SLC4A7: variants seen among roughly 807,000 people sequenced by gnomAD.
The protein encoded by SLC4A7 is solute carrier family 4 member 7, also known as sodium bicarbonate cotransporter 3.
SLC4A7 carries 51 observed loss-of-function variants against 137.6 expected under a neutral mutation model. That is an observed-to-expected ratio of 0.37 (90% CI 0.30 to 0.47). SLC4A7 has a LOEUF of 0.47. Ranked by LOEUF, SLC4A7 falls within the 20% of genes least tolerant of loss-of-function variation. SLC4A7 has a pLI of 1.00. For synonymous variants in SLC4A7, 542 were observed against 518.6 expected (o/e 1.05, Z -0.61); for missense variants, 1,247 against 1,525.4 (o/e 0.82, Z 3.04).
At chr3:27,405,413 G>A (rs1232942550) in intron 13 of SLC4A7, among the ~76,000 whole-genome samples, 1 of 152,146 alleles carries the variant, frequency 6.6e-6, no homozygotes, top group African/African-American at 2.4e-5. Context: ...CCTGTGCTGT[G>A]GGATGAAAGG....
At chr3:27,402,364 G>A (rs770504766) in intron 15 of SLC4A7, among the ~76,000 whole-genome samples, 5 of 151,218 alleles carry the variant, frequency 3.3e-5, no homozygotes, top group African/African-American at 9.7e-5. Flanking sequence ...TTATCAAAAC[G>A]AAAACACATA....
chr3:27,466,265 C>CA (rs1254278866), intron 1 of SLC4A7, among the ~76,000 whole-genome samples: 2 of 151,160 alleles, frequency 1.3e-5, no homozygotes, highest in Non-Finnish European at 2.9e-5. Flanking sequence ...TCCTGGCTAA[C>CA]ACGGTGAAAC....
intron 14 of SLC4A7, among the ~76,000 whole-genome samples, 195 bp from the exon 15 acceptor site, chr3:27,403,579 GATTT>G (rs898407045): frequency 4.4e-4 from 66 of 149,396 alleles, no homozygotes; most frequent in East Asian, 1.8e-3. Context: ...CTTATTAGTA[GATTT>G]ATTATTAATA....
chr3:27,409,450 T>C lies in SLC4A7; in HGVS notation c.1847A>G (p.Gln616Arg). 1 of 1,613,916 alleles carries C rather than the reference T, an allele frequency of 6.2e-7. No homozygotes were observed. Among genetic ancestry groups the C allele is most frequent in the Non-Finnish European group, 8.5e-7 (1 of 1,179,846 alleles). The change falls in exon 13 of 26, where the codon CAG becomes CGG. Residue 616 changes from glutamine to arginine, a missense_variant. Gln to Arg is a conservative substitution (Grantham distance 43). Transcript: ENST00000454389. ...TAGGAAAAGAATCGAGGCCAGGCAC[T>C]GCAGGCTTAATGCATCCTTGAAGTC... is the stretch of plus-strand genomic sequence containing the variant. ...LSDFKDALSLQCLASILFLYC... is the reference protein window; with the variant it reads ...LSDFKDALSLRCLASILFLYC...
chr3:27,398,491 T>C (rs1276854429), intron 16 of SLC4A7, 138 bp from the exon 17 acceptor site: 1 of 639,532 alleles, frequency 1.6e-6, no homozygotes, highest in Non-Finnish European at 2.5e-6. Flanking sequence ...AGAAAAAACA[T>C]TGTCCAGCCA....
In SLC4A7 at chr3:27,431,411, G is replaced by A. The variant is rs1559749737; in HGVS notation, c.1037C>T (p.Ser346Leu). 28 of 1,614,098 alleles carry A rather than the reference G, an allele frequency of 1.7e-5. No individual in the cohort carries two copies. The highest frequency in any genetic ancestry group is 6.7e-5 in the Admixed American group (4 of 60,016). The change falls in exon 7 of 26, where the codon TCA becomes TTA. Residue 346 changes from serine to leucine, a missense_variant. By Grantham distance (145) the Ser-to-Leu change is moderately radical. Around this residue, in one of 6 missense-constraint regions of SLC4A7, gnomAD observed 223 missense variants for 203.6 expected, o/e 1.10. Transcript: ENST00000454389. ...TGTGGGAATATCATCACTGGCAGGT[G>A]AAACCAGTAGTTCTGGGGCCTGACG... ...SQRQAPELLV[S>L]PASDDIPTVV... is the part of the protein sequence containing the mutation.
chr3:27,429,553 A>G (rs1165239257), intron 7 of SLC4A7, among the ~76,000 whole-genome samples: 1 of 152,068 alleles, frequency 6.6e-6, no homozygotes, highest in Admixed American at 6.5e-5. Flanking sequence ...ATCTTTATTT[A>G]AAAGACTAAA....
intron 6 of SLC4A7, among the ~76,000 whole-genome samples, chr3:27,432,796 C>T (rs1043808004): frequency 1.3e-5 from 2 of 152,006 alleles, no homozygotes; most frequent in Non-Finnish European, 2.9e-5. Flanking sequence ...CAACTGCATA[C>T]GAAGAGTAAA....
In SLC4A7 at chr3:27,424,156, T is replaced by C. The variant is rs377503045; in HGVS notation, c.1151-4A>G. 5.4e-5 allele frequency: 80 copies of C among 1,492,066 alleles called. No homozygotes were observed. Among genetic ancestry groups the C allele is most frequent in the Admixed American group, 3.0e-4 (16 of 53,958 alleles). 92.4% of individuals were successfully genotyped at this position (1,492,066 alleles called of 1,614,324 possible). A position where few individuals can be genotyped will look rare whatever the true frequency, so the allele number is the denominator to read the frequency against. ...GACTGGGGAGAGGCCAAAATACCTATGTTTAAAGACAAATTCCAAATTAGT... is the reference window on the plus strand; with the variant it reads ...GACTGGGGAGAGGCCAAAATACCTACGTTTAAAGACAAATTCCAAATTAGT... On this transcript the variant is annotated splice_polypyrimidine_tract_variant and splice_region_variant and intron_variant, in intron 7 of 25. Transcript: ENST00000454389.
intron 5 of SLC4A7, among the ~76,000 whole-genome samples, chr3:27,435,275 A>G (rs1490314451): frequency 1.3e-5 from 2 of 152,200 alleles, no homozygotes; most frequent in Non-Finnish European, 2.9e-5. Context: ...GTTAGTGGAC[A>G]AAAAGCTGAT....
At chr3:27,430,600 G>A (rs369543712) in intron 7 of SLC4A7, among the ~76,000 whole-genome samples, 26 of 118,838 alleles carry the variant, frequency 2.2e-4, no homozygotes, top group African/African-American at 6.2e-4. Context: ...GCAAGACCCC[G>A]TCTCCAAAAA....
At chr3:27,446,214 C>T (rs1494420) in intron 3 of SLC4A7, among the ~76,000 whole-genome samples, 78,505 of 150,702 alleles carry the variant, frequency 0.52, 20,696 homozygotes, top group Middle Eastern at 0.59. Context: ...TAAAGGAAAA[C>T]GCATTGGAAA....
intron 1 of SLC4A7, among the ~76,000 whole-genome samples, chr3:27,464,861 G>T (rs2058894991): frequency 6.6e-6 from 1 of 152,138 alleles, no homozygotes; most frequent in Non-Finnish European, 1.5e-5. Context: ...GGCCCCTCCT[G>T]TTCCGGGATA....
At chr3:27,449,676 G>T (rs1478073119) in intron 2 of SLC4A7, among the ~76,000 whole-genome samples, 2 of 152,152 alleles carry the variant, frequency 1.3e-5, no homozygotes, top group African/African-American at 2.4e-5. Context: ...TTGACCACTA[G>T]ATGAAACTGA....
intron 13 of SLC4A7, among the ~76,000 whole-genome samples, chr3:27,408,549 T>A (rs922616756): frequency 6.6e-6 from 1 of 152,206 alleles, no homozygotes; most frequent in African/African-American, 2.4e-5. Flanking sequence ...GCCTTAGCTT[T>A]GGTTATTTTT....
chr3:27,399,661 G>GC (rs545099995), intron 16 of SLC4A7, among the ~76,000 whole-genome samples: 11 of 152,174 alleles, frequency 7.2e-5, no homozygotes, highest in African/African-American at 2.4e-4. Flanking sequence ...CTAACTCCTG[G>GC]CCTCTAGCAA....
chr3:27,376,557 G>C lies in SLC4A7; in HGVS notation c.*207C>G, dbSNP rs28639909. On this transcript the variant is annotated 3_prime_UTR_variant, in exon 26 of 26. Transcript: ENST00000454389. ...TTCTAACAGAATAAATATTTGAATA[G>C]TTAAGAACCATGTACCTCACTTCAA... The C allele has an allele frequency of 5.7e-6, 2 of 352,402 alleles. No individual in the cohort carries two copies. The highest frequency in any genetic ancestry group is 1.0e-5 in the Non-Finnish European group (2 of 195,976). 21.8% of individuals were successfully genotyped at this position (352,402 alleles called of 1,614,324 possible).
intron 1 of SLC4A7, among the ~76,000 whole-genome samples, chr3:27,468,813 A>G (rs67104968): frequency 0.22 from 33,245 of 152,056 alleles, 3,731 homozygotes; most frequent in Non-Finnish European, 0.25. Context: ...TAAGCATTCA[A>G]TGAAATACTA....
Position 27,376,864 on chromosome 3 carries a change from TA to T in SLC4A7, c.3699-20del. ...ATCAGGACTATTTAAAACAAAGAATTAAAATAAATAATTTTAAAATATAAAT... is the reference window on the plus strand; with the variant it reads ...ATCAGGACTATTTAAAACAAAGAATTAAATAAATAATTTTAAAATATAAAT... On this transcript the variant is annotated intron_variant, in intron 25 of 25. Transcript: ENST00000454389. 7.9e-7 allele frequency: 1 copy of T among 1,258,612 alleles called. No homozygotes were observed. The highest frequency in any genetic ancestry group is 1.1e-6 in the Non-Finnish European group (1 of 912,230). 78.0% of individuals were successfully genotyped at this position (1,258,612 alleles called of 1,614,324 possible). A position where few individuals can be genotyped will look rare whatever the true frequency, so the allele number is the denominator to read the frequency against.
Sources: gnomAD v4.1 joint callset for allele counts (sites outside exome capture counted in the v4.1 genomes callset) on GRCh38, gnomAD v4.1.1 for gene constraint, gnomAD v4.1.1 regional missense constraint, MANE v1.5 for transcripts, NCBI Gene and HGNC (gene_info 2026-07-23, HGNC 2026-07-21) for gene names.